Variants in INPP4A observed in about 807,000 individuals in gnomAD.
The protein encoded by INPP4A is inositol polyphosphate-4-phosphatase, type I, 107kD.
A neutral mutation model predicts 119.8 loss-of-function variants in INPP4A; 33 were observed. That is an observed-to-expected ratio of 0.28 (90% CI 0.21 to 0.37). The LOEUF is 0.37. Ranked by LOEUF, INPP4A falls within the 10% of genes least tolerant of loss-of-function variation. The probability of loss-of-function intolerance (pLI) is 1.00; values close to 1 mark genes in which losing one functional copy is unlikely to be tolerated. For missense variants in INPP4A, 956 were observed against 1,289.9 expected, an observed-to-expected ratio of 0.74 and a Z score of 3.97; for synonymous variants, 496 against 500.7, an observed-to-expected ratio of 0.99 and a Z score of 0.12.
chr2:98,473,234 T>A (rs1442786619), intron 1 of INPP4A, among the ~76,000 whole-genome samples: 1 of 140,996 alleles, frequency 7.1e-6, no homozygotes, highest in Non-Finnish European at 1.5e-5. Context: ...CAGTGGAGAG[T>A]GTGGAGGGCA....
chr2:98,460,100 CGTGTGTGTGTGT>C (rs3066275), intron 1 of INPP4A, among the ~76,000 whole-genome samples: 6 of 147,108 alleles, frequency 4.1e-5, no homozygotes, highest in African/African-American at 7.5e-5. Context: ...GTTTGGTCAT[CGTGTGTGTGTGT>C]GTGTGTGTGT....
At chr2:98,496,856 G>A (rs748204588) in intron 1 of INPP4A, among the ~76,000 whole-genome samples, 1 of 152,174 alleles carries the variant, frequency 6.6e-6, no homozygotes, top group Non-Finnish European at 1.5e-5. Context: ...TATAATCTGG[G>A]GTTGGAGTGT....
chr2:98,474,165 A>G (rs1212815011), intron 1 of INPP4A, among the ~76,000 whole-genome samples: 1 of 152,204 alleles, frequency 6.6e-6, no homozygotes, highest in Non-Finnish European at 1.5e-5. Context: ...TTTTGATTTC[A>G]GCCTCCCATT....
At chr2:98,552,054 C>T (rs1015150594) in intron 13 of INPP4A, among the ~76,000 whole-genome samples, 1 of 152,102 alleles carries the variant, frequency 6.6e-6, no homozygotes, top group Non-Finnish European at 1.5e-5. Context: ...TAGACACACA[C>T]GCTGCTTGGT....
intron 15 of INPP4A, 131 bp from the exon 16 acceptor site, chr2:98,555,422 T>A (rs1559067242): frequency 3.1e-6 from 3 of 961,972 alleles, no homozygotes; most frequent in Non-Finnish European, 4.6e-6. Flanking sequence ...TCTTTATATT[T>A]CTAAACTTTG....
At chr2:98,519,135 T>A (rs1026544772) in intron 2 of INPP4A, 110 bp downstream of exon 2, 21 of 152,378 alleles carry the variant, frequency 1.4e-4, no homozygotes, top group African/African-American at 5.1e-4. Context: ...TGAAGACCTC[T>A]GAGAGAGTGT....
intron 1 of INPP4A, among the ~76,000 whole-genome samples, chr2:98,492,621 C>T (rs753883058): frequency 1.3e-5 from 2 of 152,166 alleles, no homozygotes; most frequent in Non-Finnish European, 2.9e-5. Context: ...TTAGGGATGA[C>T]TGGATTGGTG....
intron 1 of INPP4A, among the ~76,000 whole-genome samples, chr2:98,458,990 C>T (rs962292469): frequency 7.9e-5 from 12 of 152,204 alleles, no homozygotes; most frequent in Non-Finnish European, 8.8e-5. Flanking sequence ...CAAAGGCACC[C>T]GAAGTGCTTG....
intron 1 of INPP4A, among the ~76,000 whole-genome samples, chr2:98,460,100 C>CAT (rs1696877938): frequency 6.8e-6 from 1 of 147,012 alleles, no homozygotes. Context: ...GTTTGGTCAT[C>CAT]GTGTGTGTGT....
At chr2:98,475,727 C>T (rs1007551139) in intron 1 of INPP4A, among the ~76,000 whole-genome samples, 1 of 152,080 alleles carries the variant, frequency 6.6e-6, no homozygotes. Flanking sequence ...CAGCCACCCT[C>T]TCCCTTCTAC....
In INPP4A at chr2:98,588,492, T is replaced by C. The variant is rs1394339626; in HGVS notation, c.*884T>C. On this transcript the variant is annotated 3_prime_UTR_variant, in exon 25 of 25. Coordinates refer to ENST00000409851, the MANE Select transcript of INPP4A (RefSeq NM_001134225.2). ...AGAGATAGTAGAAACCTAAATATTT[T>C]CAGAAAAAAAATTTTTTTTGCAGGA... is the stretch of plus-strand genomic sequence containing the variant. 2 of 212,976 alleles carry C rather than the reference T, an allele frequency of 9.4e-6. No homozygotes were observed. The highest frequency in any genetic ancestry group is 1.9e-5 in the Non-Finnish European group (2 of 105,494). The allele number at this position is 212,976 out of a possible 1,614,324, so 13.2% of individuals were successfully genotyped here.
chr2:98,552,427 G>A (rs180963150), intron 13 of INPP4A, among the ~76,000 whole-genome samples: 2 of 152,282 alleles, frequency 1.3e-5, no homozygotes, highest in East Asian at 3.9e-4. Context: ...CTCCACTTAA[G>A]TACTGCTTAT....
chr2:98,452,080 G>A (rs977239639), intron 1 of INPP4A, among the ~76,000 whole-genome samples: 6 of 152,206 alleles, frequency 3.9e-5, no homozygotes, highest in Non-Finnish European at 5.9e-5. Context: ...TGAGATGGTC[G>A]TTGGGGGCAG....
rs1341473873 is a variant in INPP4A at position 98,568,914 on chromosome 2, G to A, written c.2518+246G>A. 2.3e-5 allele frequency: 10 copies of A among 436,634 alleles called. 1 individual carries two copies. Among genetic ancestry groups the A allele is most frequent in the South Asian group, 5.8e-5 (2 of 34,700 alleles). The allele number at this position is 436,634 out of a possible 1,614,324, so 27.0% of individuals were successfully genotyped here. On this transcript the variant is annotated intron_variant, in intron 22 of 24. Transcript: ENST00000409851. Reference sequence around the variant, plus strand: ...TGACATGGCTCCTTCCCATGCTGTCGTAGTCACTGACACAAGATGTGTTTG... The same window carrying A: ...TGACATGGCTCCTTCCCATGCTGTCATAGTCACTGACACAAGATGTGTTTG...
At chr2:98,480,840 G>A (rs954123632) in intron 1 of INPP4A, among the ~76,000 whole-genome samples, 17 of 152,194 alleles carry the variant, frequency 1.1e-4, no homozygotes, top group Middle Eastern at 3.2e-3. Context: ...GCGTGTGTCC[G>A]TCTCCGCAGC....
chr2:98,548,907 T>TA (rs1283821819), intron 13 of INPP4A: 1 of 1,571,174 alleles, frequency 6.4e-7, no homozygotes, highest in Non-Finnish European at 8.6e-7. Flanking sequence ...GCATTTGGTA[T>TA]TTGCTAACAA....
At chr2:98,535,366 A>G (rs1173229948) in intron 5 of INPP4A, among the ~76,000 whole-genome samples, 2 of 152,266 alleles carry the variant, frequency 1.3e-5, no homozygotes, top group Non-Finnish European at 1.5e-5. Context: ...TTACATACAC[A>G]TTACACTTTA....
chr2:98,483,850 T>C (rs1207256602), intron 1 of INPP4A, among the ~76,000 whole-genome samples: 1 of 152,174 alleles, frequency 6.6e-6, no homozygotes, highest in African/African-American at 2.4e-5. Flanking sequence ...GGACTGCATC[T>C]GTAGTCAGTC....
In INPP4A at chr2:98,558,279, T is replaced by C. The variant is rs560051641; in HGVS notation, c.1823-1184T>C. 5.9e-5 allele frequency among the ~76,000 whole-genome samples: 9 copies of C among 152,314 alleles called. No homozygotes were observed. The South Asian group carries it at 1.9e-3, about 32-fold the overall frequency. ...ACAGGCTCCTAGACCTTCCTCCTCA[T>C]TCATAAGCTCAGAATCCTAGAAGAG... On this transcript the variant is annotated intron_variant, in intron 16 of 24. Transcript: ENST00000409851.
Sources: allele counts gnomAD v4.1 joint callset (sites outside exome capture counted in the v4.1 genomes callset), GRCh38; gene constraint gnomAD v4.1.1; transcripts MANE v1.5; gene names NCBI Gene and HGNC (gene_info 2026-07-23, HGNC 2026-07-21).